Variants in DST observed in about 807,000 individuals in gnomAD.
DST encodes the protein dystonin, also known as bullous pemphigoid antigen.
A neutral mutation model predicts 875.2 loss-of-function variants in DST; 253 were observed. The observed-to-expected ratio is 0.29, with a 90% confidence interval of 0.26 to 0.32. DST has a LOEUF of 0.32. Ranked by LOEUF, DST falls within the 10% of genes least tolerant of loss-of-function variation. The probability of loss-of-function intolerance (pLI) is 1.00; values close to 1 mark genes in which losing one functional copy is unlikely to be tolerated. For synonymous variants in DST, 3,124 were observed against 3,197.1 expected (o/e 0.98, Z 0.77); for missense variants, 8,287 against 9,111.6 (o/e 0.91, Z 3.68).
intron 61 of DST, among the ~76,000 whole-genome samples, chr6:56,549,531 A>G (rs1355922459): frequency 1.3e-5 from 2 of 152,234 alleles, no homozygotes; most frequent in African/African-American, 2.4e-5. Context: ...ACCAAGAAAG[A>G]TATAATCACT....
intron 15 of DST, among the ~76,000 whole-genome samples, chr6:56,645,564 C>T (rs1294612732): frequency 6.6e-6 from 1 of 152,096 alleles, no homozygotes; most frequent in Non-Finnish European, 1.5e-5. Flanking sequence ...GATCCAGGCC[C>T]TGGTGACTTA....
At chr6:56,469,039 C>T (rs1298029344) in intron 97 of DST, 40 bp from the exon 98 acceptor site, 1 of 1,517,334 alleles carries the variant, frequency 6.6e-7, no homozygotes, top group Non-Finnish European at 9.0e-7. Flanking sequence ...ACAATTAGTT[C>T]AACAGGAAAC....
At chr6:56,679,931 C>T (rs1186309355) in intron 9 of DST, among the ~76,000 whole-genome samples, 1 of 152,160 alleles carries the variant, frequency 6.6e-6, no homozygotes, top group East Asian at 1.9e-4. Context: ...ACTTTGCTCC[C>T]ATATGACCTC....
chr6:56,792,502 T>G (rs2099728561), intron 4 of DST, among the ~76,000 whole-genome samples: 1 of 152,174 alleles, frequency 6.6e-6, no homozygotes, highest in South Asian at 2.1e-4. Context: ...GGTCTCACTA[T>G]GTTGCCCAGG....
At chr6:56,863,417 G>A (rs551000122) in intron 3 of DST, among the ~76,000 whole-genome samples, 1 of 152,284 alleles carries the variant, frequency 6.6e-6, no homozygotes, top group South Asian at 2.1e-4. Context: ...TTGTCTGTAA[G>A]TAATAATTGT....
chr6:56,882,872 T>C (rs562724737), intron 3 of DST, among the ~76,000 whole-genome samples: 67 of 152,344 alleles, frequency 4.4e-4, no homozygotes, highest in Non-Finnish European at 8.7e-4. Flanking sequence ...GTTGCTTTTT[T>C]CTTTTCCCCC....
chr6:56,625,305 AG>A (rs1421361533), intron 34 of DST, 41 bp from the exon 35 acceptor site: 2 of 1,211,758 alleles, frequency 1.7e-6, no homozygotes, highest in Non-Finnish European at 2.5e-6. Flanking sequence ...ATTGAAGCAA[AG>A]TACTAGAGTT....
chr6:56,673,502 A>T (rs2099113224), intron 9 of DST, among the ~76,000 whole-genome samples: 1 of 152,186 alleles, frequency 6.6e-6, no homozygotes. Flanking sequence ...GAAGTCAGTA[A>T]AGTTCAACTA....
chr6:56,726,819 C>T (rs1285014646), intron 5 of DST, among the ~76,000 whole-genome samples: 1 of 152,148 alleles, frequency 6.6e-6, no homozygotes, highest in Non-Finnish European at 1.5e-5. Flanking sequence ...CATATTCATT[C>T]ATTACACATC....
intron 2 of DST, among the ~76,000 whole-genome samples, chr6:56,925,243 T>C (rs1806434063): frequency 6.6e-6 from 1 of 152,100 alleles, no homozygotes; most frequent in African/African-American, 2.4e-5. Context: ...TTCATAGGGA[T>C]TAAAAATCAT....
intron 61 of DST, chr6:56,542,942 G>T (rs2097160524): frequency 6.6e-6 from 1 of 152,332 alleles, no homozygotes; most frequent in South Asian, 2.1e-4. Context: ...TCAGTGGGAG[G>T]TACCTCGAAG....
chr6:56,530,918 T>C (rs2096886047), intron 64 of DST, among the ~76,000 whole-genome samples: 2 of 152,170 alleles, frequency 1.3e-5, no homozygotes, highest in Admixed American at 6.5e-5. Context: ...TCAAGAGATA[T>C]TGCTGCCTTA....
chr6:56,851,204 GTCACCA>G, intron 4 of DST, 187 bp downstream of exon 4: 1 of 595,174 alleles, frequency 1.7e-6, no homozygotes, highest in Non-Finnish European at 2.9e-6. Context: ...AAACAGCTTA[GTCACCA>G]GCAGGCAGGG....
At chr6:56,569,331 AAAAAAAAAC>A (rs1357010933) in intron 54 of DST, among the ~76,000 whole-genome samples, 1,535 of 149,392 alleles carry the variant, frequency 0.01, 38 homozygotes, top group African/African-American at 0.037. Flanking sequence ...TCTCGAAAAA[AAAAAAAAAC>A]AAAAACACAC....
chr6:56,786,838 CAAG>C (rs370423016), intron 4 of DST, among the ~76,000 whole-genome samples: 10 of 152,108 alleles, frequency 6.6e-5, no homozygotes, highest in Admixed American at 3.3e-4. Flanking sequence ...CTTTTTAACC[CAAG>C]AAGAACCTAG....
chr6:56,741,440 C>T (rs563024713), intron 4 of DST, among the ~76,000 whole-genome samples: 4 of 152,256 alleles, frequency 2.6e-5, no homozygotes, highest in East Asian at 3.9e-4. Context: ...TTAAATGAGT[C>T]CCATTCAAAT....
chr6:56,486,390 ATTTTTT>A (rs2095567932), intron 87 of DST, among the ~76,000 whole-genome samples: 8 of 141,178 alleles, frequency 5.7e-5, no homozygotes, highest in South Asian at 2.2e-4. Flanking sequence ...AAAAAAAAGG[ATTTTTT>A]CAAAACTAAC....
rs1410622547 is a variant in DST at position 56,572,280 on chromosome 6, A to C, written c.13555-14T>G. 6.5e-7 allele frequency: 1 copy of C among 1,531,554 alleles called. No homozygotes were observed. Among genetic ancestry groups the C allele is most frequent in the Non-Finnish European group, 8.8e-7 (1 of 1,134,832 alleles). The allele number at this position is 1,531,554 out of a possible 1,614,324, so 94.9% of individuals were successfully genotyped here. On this transcript the variant is annotated splice_polypyrimidine_tract_variant and intron_variant, in intron 52 of 103. Coordinates refer to ENST00000680361, the MANE Select transcript of DST (RefSeq NM_001374736.1). ...AGAAGTTGATTCCTACAAAGCATTA[A>C]GATATTCAGTCAATATAAATGTTGC... is the stretch of plus-strand genomic sequence containing the variant.
In DST at chr6:56,555,373, T is replaced by C; in HGVS notation, c.15108A>G (p.Lys5036=). ...ELSRQLEGIL[K]SFKDVEQKAE... is the part of the protein sequence containing the mutation. ...CTTTCTGTTCAACATCCTTAAATGA[T>C]TTTAAGATGCCTTCTAGTTGCCTAC... The change falls in exon 60 of 104, where the codon AAA becomes AAG. Residue 5036 remains lysine, a synonymous_variant. Transcript: ENST00000680361. 1 of 1,599,398 alleles carries C rather than the reference T, an allele frequency of 6.3e-7. No homozygotes were observed. Among genetic ancestry groups the C allele is most frequent in the South Asian group, 1.1e-5 (1 of 88,408 alleles).
Sources: gnomAD v4.1 joint callset for allele counts (sites outside exome capture counted in the v4.1 genomes callset) on GRCh38, gnomAD v4.1.1 for gene constraint, MANE v1.5 for transcripts, NCBI Gene and HGNC (gene_info 2026-07-23, HGNC 2026-07-21) for gene names.